The following FKBP11 variants were observed in gnomAD, a reference collection of about 807,000 sequenced individuals.
FKBP11 encodes the protein FKBP prolyl isomerase 11, also known as peptidyl-prolyl cis-trans isomerase FKBP11.
A neutral mutation model predicts 24.7 loss-of-function variants in FKBP11; 21 were observed. The ratio of observed to expected loss-of-function variants is 0.85; its 90% CI spans 0.60 to 1.23. The LOEUF is 1.23. Ranked by LOEUF, FKBP11 falls within the 50% of genes most tolerant of loss-of-function variation. The pLI, the probability that FKBP11 is intolerant of heterozygous loss-of-function variation, is 0.00. For synonymous variants in FKBP11, 106 were observed against 100.6 expected, an observed-to-expected ratio of 1.05 and a Z score of -0.32; for missense variants, 245 against 248.7, an observed-to-expected ratio of 0.99 and a Z score of 0.10.
chr12:48,924,976 C>A, intron 2 of FKBP11, 70 bp downstream of exon 2: 2 of 1,544,860 alleles, frequency 1.3e-6, no homozygotes, highest in Admixed American at 2.0e-5. Flanking sequence ...CGTGTCCAAG[C>A]CAAAGCTGAC....
At chr12:48,924,069 T>A (rs2293448) in intron 4 of FKBP11, 154 bp downstream of exon 4, 1 of 951,708 alleles carries the variant, frequency 1.1e-6, no homozygotes, top group East Asian at 2.5e-5. Context: ...CACAGAGGCT[T>A]TGAATGCCCT....
chr12:48,931,630 T>C, the FKBP11 span: 4 of 640,966 alleles, frequency 6.2e-6, no homozygotes, highest in Non-Finnish European at 1.1e-5. Flanking sequence ...GGAGAAACCC[T>C]ACCACAGTAC....
chr12:48,932,229 A>ATATATATATATATATATATATT, the FKBP11 span, among the ~76,000 whole-genome samples: 1 of 24,720 alleles, frequency 4.0e-5, no homozygotes, highest in Non-Finnish European at 7.0e-5. Context: ...ACATATATTT[A>ATATATATATATATATATATATT]TATATATATA....
At chr12:48,922,474 C>T in intron 5 of FKBP11, 1 of 920,536 alleles carries the variant, frequency 1.1e-6, no homozygotes, top group Non-Finnish European at 1.4e-6. Flanking sequence ...ATGAAATGTA[C>T]AGGCTCTTCT....
chr12:48,931,549 G>A, the FKBP11 span: 1 of 1,263,610 alleles, frequency 7.9e-7, no homozygotes, highest in Non-Finnish European at 1.1e-6. Flanking sequence ...CCCCTGGCTG[G>A]AGATACAACT....
At chr12:48,923,397 C>G in intron 5 of FKBP11, 3 of 1,471,910 alleles carry the variant, frequency 2.0e-6, no homozygotes, top group Non-Finnish European at 2.7e-6. Flanking sequence ...TGTCTCTTCC[C>G]TGATGGAGGC....
At chr12:48,929,471 C>T (rs1940021196), upstream of FKBP11, among the ~76,000 whole-genome samples, 1 of 152,032 alleles carries the variant, frequency 6.6e-6, no homozygotes, top group Admixed American at 6.6e-5. Context: ...TGATCCCTAG[C>T]CTCTCCCTAC....
chr12:48,922,837 G>A (rs1294313006), intron 5 of FKBP11: 1 of 1,020,112 alleles, frequency 9.8e-7, no homozygotes, highest in African/African-American at 1.7e-5. Flanking sequence ...CTTCCTCTAA[G>A]CTGGAACTAG....
At chr12:48,924,905 C>G in intron 2 of FKBP11, 141 bp downstream of exon 2, 2 of 1,439,756 alleles carry the variant, frequency 1.4e-6, no homozygotes, top group South Asian at 2.9e-5. Flanking sequence ...CAACGTCTCT[C>G]CCCTCGCCAC....
chr12:48,939,010 G>A, the FKBP11 span: 4 of 1,613,576 alleles, frequency 2.5e-6, no homozygotes, highest in Non-Finnish European at 2.5e-6. This position sits in a 1 kb window ranked among gnomAD's most constrained non-coding sequence, Gnocchi z 4.8. Flanking sequence ...CGTCCCCGCT[G>A]GTGGCACAGG....
chr12:48,935,690 T>C, the FKBP11 span: 5 of 152,276 alleles, frequency 3.3e-5, no homozygotes, highest in Non-Finnish European at 5.9e-5. Context: ...GGGCCATCAG[T>C]TGTAAGAAGG....
chr12:48,931,539 C>A, the FKBP11 span: 1 of 1,376,070 alleles, frequency 7.3e-7, no homozygotes, highest in Non-Finnish European at 1.0e-6. Context: ...AGTTGGCCCA[C>A]CCCTGGCTGG....
At position 48,924,614 on chromosome 12, in the gene FKBP11, G is replaced by A. The variant is rs1381033136; in HGVS notation, c.230C>T (p.Ser77Phe). The change falls in exon 3 of 6, where the codon TCC becomes TTC. Residue 77 changes from serine (S) to phenylalanine (F), a missense_variant. Coordinates refer to ENST00000550765, the MANE Select transcript of FKBP11 (RefSeq NM_016594.3). The part of the protein sequence containing the change: ...SLVDGRIIDT[S>F]LTRDPLVIEL... ...TATAACCAGAGGGTCTCTGGTCAGG[G>A]AGGTGTCAATAATACGTCCATCTAC... 1.2e-6 allele frequency: 2 copies of A among 1,614,122 alleles called. No individual in the cohort carries two copies. Among genetic ancestry groups the A allele is most frequent in the South Asian group, 1.1e-5 (1 of 91,078 alleles).
chr12:48,938,022 C>G, the FKBP11 span: 177 of 174,850 alleles, frequency 1.0e-3, 2 homozygotes, highest in African/African-American at 4.0e-3. Flanking sequence ...CCCCACCCCC[C>G]AGTCAAGCTC....
At chr12:48,924,938 C>A (rs1373116107) in intron 2 of FKBP11, 108 bp downstream of exon 2, 1 of 1,452,664 alleles carries the variant, frequency 6.9e-7, no homozygotes, top group East Asian at 2.4e-5. Flanking sequence ...CCCAGAGCCC[C>A]GAGTTTCTTC....
chr12:48,923,421 T>G (rs1252603090), intron 5 of FKBP11: 5 of 1,501,214 alleles, frequency 3.3e-6, no homozygotes, highest in African/African-American at 2.9e-5. Context: ...AAGGAAGGGG[T>G]GGGGGGTGGC....
At chr12:48,931,535 C>T in the FKBP11 span, 3 of 1,399,136 alleles carry the variant, frequency 2.1e-6, no homozygotes, top group African/African-American at 1.4e-5. Context: ...GGAGAGTTGG[C>T]CCACCCCTGG....
intron 2 of FKBP11, 35 bp from the exon 3 acceptor site, chr12:48,924,683 C>A: frequency 6.2e-7 from 1 of 1,601,282 alleles, no homozygotes; most frequent in Non-Finnish European, 8.6e-7. Context: ...ATACATCTAG[C>A]ACCCTCTCCC....
chr12:48,933,698 C>CAAA, the FKBP11 span, among the ~76,000 whole-genome samples: 196 of 103,290 alleles, frequency 1.9e-3, no homozygotes, highest in Middle Eastern at 9.8e-3. Flanking sequence ...GACTCCGTCT[C>CAAA]AAAAAAAAAA....
Sources: allele counts gnomAD v4.1 joint callset (sites outside exome capture counted in the v4.1 genomes callset), GRCh38; gene constraint gnomAD v4.1.1; non-coding constraint Gnocchi (gnomAD v3.1); transcripts MANE v1.5; gene names NCBI Gene and HGNC (gene_info 2026-07-23, HGNC 2026-07-21).